URB1: variants seen among roughly 807,000 people sequenced by gnomAD.
URB1 encodes the protein URB1 ribosome biogenesis factor, also known as nucleolar pre-ribosomal-associated protein 1.
A neutral mutation model predicts 242.3 loss-of-function variants in URB1; 197 were observed. The observed-to-expected ratio is 0.81, with a 90% CI of 0.72 to 0.91. The LOEUF is 0.91. Among genes scored for constraint, URB1 ranks in the 40% least tolerant of loss-of-function variants. URB1 has a pLI of 0.00. For missense variants in URB1, 2,721 were observed against 2,860.5 expected (o/e 0.95, Z 1.11); for synonymous variants, 1,153 against 1,201.8 (o/e 0.96, Z 0.84).
At position 32,380,082 on chromosome 21, in the gene URB1, A is replaced by T. The variant is rs2033506909; in HGVS notation, c.568-1541T>A. ...ATACGACTTATGTTCAACTACAGAGAAGTTCTTCCTTCTTCACAAGATTCT... is the reference window on the plus strand; with the variant it reads ...ATACGACTTATGTTCAACTACAGAGTAGTTCTTCCTTCTTCACAAGATTCT... On this transcript the variant is annotated intron_variant, in intron 4 of 38. Coordinates refer to ENST00000382751, the MANE Select transcript of URB1 (RefSeq NM_014825.3). Among the ~76,000 whole-genome samples the T allele has an allele frequency of 2.6e-5, 4 of 152,158 alleles. No individual in the cohort carries two copies. The South Asian group carries it at 8.3e-4, about 32-fold the overall frequency.
At position 32,341,483 on chromosome 21, in the gene URB1, G is replaced by T. The variant is rs780518389; in HGVS notation, c.4299C>A (p.Phe1433Leu). 2 of 1,551,368 alleles carry T rather than the reference G, an allele frequency of 1.3e-6. No homozygotes were observed. Among genetic ancestry groups the T allele is most frequent in the Non-Finnish European group, 1.7e-6 (2 of 1,146,916 alleles). ...CAACTTACTTGAGTCCCTTCTTCAC[G>T]AATTTCTGCCAGTCACCAGGATCAA... ...NEVDPGDWQKFVKKGLKFRYQ... is the reference protein window; with the variant it reads ...NEVDPGDWQKLVKKGLKFRYQ... Residue 1433 changes from phenylalanine (F) to leucine (L), a missense_variant, in exon 25 of 39, where the codon TTC becomes TTA. Physicochemically the swap from Phe to Leu is conservative, Grantham distance 22. Coordinates refer to ENST00000382751, the MANE Select transcript of URB1 (RefSeq NM_014825.3).
At position 32,375,383 on chromosome 21, in the gene URB1, T is replaced by A. The variant is rs985674845; in HGVS notation, c.750+15A>T. ...GGAAAACAGACAACAGAAACGCGGA[T>A]CACCAAGCACATACCTTTGTTTTCA... On this transcript the variant is annotated intron_variant, in intron 6 of 38. Coordinates refer to ENST00000382751, the MANE Select transcript of URB1 (RefSeq NM_014825.3). 5.4e-6 allele frequency: 8 copies of A among 1,469,786 alleles called. No homozygotes were observed. In the Middle Eastern group the frequency reaches 5.2e-4, roughly 95 times the overall value. 91.0% of individuals were successfully genotyped at this position (1,469,786 alleles called of 1,614,324 possible).
chr21:32,359,694 TG>T, intron 14 of URB1, 101 bp downstream of exon 14: 1 of 1,007,090 alleles, frequency 9.9e-7, no homozygotes, highest in East Asian at 2.8e-5. Context: ...TCTTCCGTCT[TG>T]CCCCGTCAGG....
In URB1 at chr21:32,376,488, A is replaced by G. The variant is rs371916883; in HGVS notation, c.665-1005T>C. 2.6e-4 allele frequency among the ~76,000 whole-genome samples: 40 copies of G among 152,354 alleles called. No homozygotes were observed. In the East Asian group the frequency reaches 7.5e-3, roughly 29 times the overall value. On this transcript the variant is annotated intron_variant, in intron 5 of 38. Transcript: ENST00000382751. ...ATAAGTCAAAGCTTCAGTACCGAGA[A>G]GTTAACACTGTTAACATCATCTGAG...
rs1269804585 is a variant in URB1, at chr21:32,312,028, C to T, written c.*2890G>A. 6.2e-6 allele frequency: 10 copies of T among 1,612,106 alleles called. No individual in the cohort carries two copies. Among genetic ancestry groups the T allele is most frequent in the Non-Finnish European group, 8.5e-6 (10 of 1,180,022 alleles). On this transcript the variant is annotated 3_prime_UTR_variant, in exon 39 of 39. Transcript: ENST00000382751. ...TAAATCGTGGCCATAGCTGAGTGAA[C>T]TGGTGAAATCAAGCCAACCTGGACA...
chr21:32,393,005 T>G lies in URB1; in HGVS notation c.-95A>C. The G allele has an allele frequency of 7.3e-7, 1 of 1,377,786 alleles. No homozygotes were observed. The highest frequency in any genetic ancestry group is 9.5e-7 in the Non-Finnish European group (1 of 1,057,218). 85.3% of individuals were successfully genotyped at this position (1,377,786 alleles called of 1,614,324 possible). A position where few individuals can be genotyped will look rare whatever the true frequency, so the allele number is the denominator to read the frequency against. ...AGCAGACACGCGCTTCAGGCCCACA[T>G]GGCGCAGGAAGAGGCGGGGCTGGCG... is the stretch of plus-strand genomic sequence containing the variant. On this transcript the variant is annotated 5_prime_UTR_variant, in exon 1 of 39. It removes an upstream start codon present in the reference 5' UTR. Coordinates refer to ENST00000382751, the MANE Select transcript of URB1 (RefSeq NM_014825.3).
In URB1 at chr21:32,352,881, C is replaced by T. The variant is rs1001610905; in HGVS notation, c.2442G>A (p.Thr814=). Residue 814 remains threonine (T), a synonymous_variant, in exon 19 of 39, where the codon ACG becomes ACA. Transcript: ENST00000382751. The part of the protein sequence containing the change: ...EAAENVVTYL[T]AVLTDLLHTQ... ...TGTGGAGGAGGTCAGTCAGCACTGC[C>T]GTCAGATATGTCACAACGTTTTCCG... 2.4e-5 allele frequency: 37 copies of T among 1,550,438 alleles called. No homozygotes were observed. The Middle Eastern group carries it at 6.7e-4, about 28-fold the overall frequency.
At chr21:32,388,047 G>T (rs2033601507) in intron 1 of URB1, among the ~76,000 whole-genome samples, 1 of 152,216 alleles carries the variant, frequency 6.6e-6, no homozygotes, top group African/African-American at 2.4e-5. Flanking sequence ...CAGCAATTCT[G>T]CGTGTCTCAG....
rs1011436355 is a variant in URB1, at chr21:32,313,388, G to C, written c.*1530C>G. 1.3e-5 allele frequency: 2 copies of C among 152,290 alleles called. No individual in the cohort carries two copies. The highest frequency in any genetic ancestry group is 2.9e-5 in the Non-Finnish European group (2 of 68,074). The allele number at this position is 152,290 out of a possible 1,614,324, so 9.4% of individuals were successfully genotyped here. Reference sequence around the variant, plus strand: ...GATTAAGGGGAACCAGGAAGAGAACGCTTTGTTGGAGCAGCGCTTGCCTGA... The same window carrying C: ...GATTAAGGGGAACCAGGAAGAGAACCCTTTGTTGGAGCAGCGCTTGCCTGA... On this transcript the variant is annotated 3_prime_UTR_variant, in exon 39 of 39. Coordinates refer to ENST00000382751, the MANE Select transcript of URB1 (RefSeq NM_014825.3).
chr21:32,324,253 A>C (rs1285717435), intron 32 of URB1, among the ~76,000 whole-genome samples: 2 of 152,156 alleles, frequency 1.3e-5, no homozygotes, highest in South Asian at 2.1e-4. Context: ...TTTGCCATCT[A>C]CTTTTTTCTG....
At chr21:32,334,410 G>A in intron 28 of URB1, 76 bp from the exon 29 acceptor site, 1 of 1,448,012 alleles carries the variant, frequency 6.9e-7, no homozygotes, top group South Asian at 1.4e-5. Context: ...ACAACAACAG[G>A]TAGCAGTTGT....
chr21:32,375,596 G>GT (rs75908758), intron 5 of URB1, 113 bp from the exon 6 acceptor site: 47,085 of 436,940 alleles, frequency 0.11, 2 homozygotes, highest in South Asian at 0.14. Context: ...ACTTTTTCAA[G>GT]TTTTTTTTTT....
In URB1 at chr21:32,311,882, T is replaced by A; in HGVS notation, c.*3036A>T. 1.9e-6 allele frequency: 3 copies of A among 1,613,558 alleles called. No homozygotes were observed. Among genetic ancestry groups the A allele is most frequent in the Non-Finnish European group, 2.5e-6 (3 of 1,179,910 alleles). On this transcript the variant is annotated 3_prime_UTR_variant, in exon 39 of 39. Coordinates refer to ENST00000382751, the MANE Select transcript of URB1 (RefSeq NM_014825.3). ...GCTCCTCCACCTTGCCCCTCGGGGGTTTCCAGACCCACCCCACTCTCCTCT... is the reference window on the plus strand; with the variant it reads ...GCTCCTCCACCTTGCCCCTCGGGGGATTCCAGACCCACCCCACTCTCCTCT...
At chr21:32,361,660 C>CA (rs2033289704) in intron 12 of URB1, among the ~76,000 whole-genome samples, 2 of 152,198 alleles carry the variant, frequency 1.3e-5, no homozygotes, top group South Asian at 4.1e-4. Flanking sequence ...TTCAGAGAGA[C>CA]ACAGTGCTCG....
intron 36 of URB1, among the ~76,000 whole-genome samples, chr21:32,318,124 C>A (rs528255639): frequency 1.3e-5 from 2 of 152,266 alleles, no homozygotes; most frequent in African/African-American, 4.8e-5. Context: ...ACAAAGGGGA[C>A]CTGGAGTCTG....
At chr21:32,381,278 G>C (rs947576192) in intron 4 of URB1, among the ~76,000 whole-genome samples, 37 of 152,190 alleles carry the variant, frequency 2.4e-4, no homozygotes, top group African/African-American at 8.7e-4. Context: ...GCAAAACACT[G>C]TCTAAAACAG....
intron 26 of URB1, among the ~76,000 whole-genome samples, chr21:32,338,366 A>G (rs954161624): frequency 1.3e-5 from 2 of 152,074 alleles, no homozygotes; most frequent in African/African-American, 4.8e-5. Flanking sequence ...GCAACTAATC[A>G]ATTTCTCTCA....
At chr21:32,329,301 A>G (rs1046664972) in intron 30 of URB1, among the ~76,000 whole-genome samples, 5 of 152,172 alleles carry the variant, frequency 3.3e-5, no homozygotes, top group Admixed American at 2.0e-4. Context: ...AGTGGGCTTC[A>G]GTAGCAGTGT....
chr21:32,341,643 G>C (rs2033031522), intron 24 of URB1, 119 bp from the exon 25 acceptor site: 2 of 849,464 alleles, frequency 2.4e-6, no homozygotes, highest in Non-Finnish European at 3.7e-6. Flanking sequence ...TACCTCCTCT[G>C]TAAAACCCAT....
Sources: gnomAD v4.1 joint callset for allele counts (sites outside exome capture counted in the v4.1 genomes callset) on GRCh38, gnomAD v4.1.1 for gene constraint, MANE v1.5 for transcripts, NCBI Gene and HGNC (gene_info 2026-07-23, HGNC 2026-07-21) for gene names.